TRHDE: variants seen among roughly 807,000 people sequenced by gnomAD.
The protein encoded by TRHDE is thyrotropin releasing hormone degrading enzyme, also known as thyrotropin-releasing hormone-degrading ectoenzyme.
TRHDE carries 72 observed loss-of-function variants against 125.7 expected under a neutral mutation model. That is an observed-to-expected ratio of 0.57 (90% confidence interval 0.47 to 0.70). The LOEUF (loss-of-function observed/expected upper bound fraction) is 0.70. Among genes scored for constraint, TRHDE ranks in the 30% least tolerant of loss-of-function variants. TRHDE has a pLI of 0.00. For synonymous variants in TRHDE, 509 were observed against 509.1 expected, an observed-to-expected ratio of 1.00 and a Z score of 0.00; for missense variants, 1,110 against 1,327.1, an observed-to-expected ratio of 0.84 and a Z score of 2.54.
intron 2 of TRHDE, among the ~76,000 whole-genome samples, chr12:72,224,131 T>TATCTA (rs1380754068): frequency 2.0e-5 from 1 of 49,532 alleles, no homozygotes; most frequent in African/African-American, 8.6e-5. Flanking sequence ...TCTATCTATC[T>TATCTA]ATCTATCTAT....
At chr12:72,520,478 C>A (rs892336187) in intron 6 of TRHDE, among the ~76,000 whole-genome samples, 1 of 152,184 alleles carries the variant, frequency 6.6e-6, no homozygotes, top group African/African-American at 2.4e-5. Flanking sequence ...CTGAGTGAGG[C>A]AATGCCTCGC....
intron 15 of TRHDE, among the ~76,000 whole-genome samples, chr12:72,645,176 A>G (rs1236723864): frequency 6.6e-6 from 1 of 152,210 alleles, no homozygotes. Flanking sequence ...GATTTACCTG[A>G]CAGATACTTC....
intron 2 of TRHDE, among the ~76,000 whole-genome samples, chr12:72,123,884 T>C (rs1342632683): frequency 1.3e-5 from 2 of 152,196 alleles, no homozygotes; most frequent in African/African-American, 4.8e-5. Context: ...GTGTATTTTC[T>C]GGTATTTTAT....
chr12:72,184,125 G>C (rs921006772), intron 2 of TRHDE, among the ~76,000 whole-genome samples: 3 of 152,164 alleles, frequency 2.0e-5, no homozygotes, highest in Non-Finnish European at 4.4e-5. Context: ...CGTTCATCAT[G>C]AATTTTTAGT....
At chr12:72,104,902 T>C (rs1479683439) in intron 1 of TRHDE, among the ~76,000 whole-genome samples, 2 of 152,180 alleles carry the variant, frequency 1.3e-5, no homozygotes, top group African/African-American at 2.4e-5. Flanking sequence ...ACATCTCTCA[T>C]CTTTGCCTCT....
chr12:72,144,968 G>A (rs1195331617), intron 2 of TRHDE, among the ~76,000 whole-genome samples: 4 of 152,120 alleles, frequency 2.6e-5, no homozygotes, highest in Non-Finnish European at 4.4e-5. Flanking sequence ...TGGAGGAGGG[G>A]AGTCCCAGAC....
Position 72,663,313 on chromosome 12 carries a change from G to A in TRHDE, c.*118G>A. The A allele has an allele frequency of 1.3e-6, 1 of 763,324 alleles. No individual in the cohort carries two copies. Among genetic ancestry groups the A allele is most frequent in the Non-Finnish European group, 1.9e-6 (1 of 538,482 alleles). The allele number at this position is 763,324 out of a possible 1,614,324, so 47.3% of individuals were successfully genotyped here. Reference sequence around the variant, plus strand: ...GCCAGATTTTCAGTGTTAACGTGTGGGAGGAATTTTTTTTTTAGTTTTTAT... The same window carrying A: ...GCCAGATTTTCAGTGTTAACGTGTGAGAGGAATTTTTTTTTTAGTTTTTAT... On this transcript the variant is annotated 3_prime_UTR_variant, in exon 19 of 19. Coordinates refer to ENST00000261180, the MANE Select transcript of TRHDE (RefSeq NM_013381.3).
chr12:72,392,889 A>G (rs1024815917), intron 3 of TRHDE, among the ~76,000 whole-genome samples: 2 of 152,122 alleles, frequency 1.3e-5, no homozygotes, highest in Admixed American at 6.5e-5. Flanking sequence ...AAGGGCATCC[A>G]TTTGCTTATA....
intron 2 of TRHDE, among the ~76,000 whole-genome samples, chr12:72,149,384 A>G (rs937240044): frequency 2.0e-5 from 3 of 152,200 alleles, no homozygotes; most frequent in Non-Finnish European, 4.4e-5. Context: ...AATACGAATT[A>G]GGAATAAGCC....
intron 5 of TRHDE, among the ~76,000 whole-genome samples, chr12:72,481,963 A>G (rs187159876): frequency 4.6e-5 from 7 of 152,116 alleles, no homozygotes; most frequent in Admixed American, 4.6e-4. Flanking sequence ...TTTATAGTTC[A>G]GTGAGGCCCT....
intron 5 of TRHDE, among the ~76,000 whole-genome samples, chr12:72,490,739 C>G (rs1026833368): frequency 2.9e-5 from 4 of 140,078 alleles, no homozygotes; most frequent in Middle Eastern, 3.6e-3. Flanking sequence ...CATGATTTCA[C>G]TAATATGTGG....
chr12:72,562,259 A>C, intron 8 of TRHDE, 29 bp downstream of exon 8: 8 of 1,234,120 alleles, frequency 6.5e-6, no homozygotes, highest in Non-Finnish European at 9.4e-6. Flanking sequence ...AAATATCAAA[A>C]CCTCTACTTG....
At chr12:72,252,490 C>T (rs547715046) in intron 2 of TRHDE, among the ~76,000 whole-genome samples, 10 of 152,042 alleles carry the variant, frequency 6.6e-5, no homozygotes, top group Non-Finnish European at 1.3e-4. Context: ...CTCTTCTGTT[C>T]CATTGATCTG....
At chr12:72,445,303 A>G (rs1875221906) in intron 3 of TRHDE, among the ~76,000 whole-genome samples, 2 of 151,882 alleles carry the variant, frequency 1.3e-5, no homozygotes, top group African/African-American at 4.8e-5. Context: ...CATGTCATGT[A>G]TAATACTACT....
At chr12:72,330,251 T>A (rs1370647255) in intron 2 of TRHDE, among the ~76,000 whole-genome samples, 2 of 151,774 alleles carry the variant, frequency 1.3e-5, no homozygotes, top group Non-Finnish European at 2.9e-5. Flanking sequence ...ACTGTTCTGC[T>A]GTTAAGGAAA....
At chr12:72,174,853 C>A (rs1876953605) in intron 2 of TRHDE, among the ~76,000 whole-genome samples, 1 of 152,166 alleles carries the variant, frequency 6.6e-6, no homozygotes, top group Non-Finnish European at 1.5e-5. Context: ...TGTAATATTA[C>A]TGTATTTCCT....
chr12:72,513,015 C>T (rs941175657), intron 6 of TRHDE, among the ~76,000 whole-genome samples: 1 of 152,146 alleles, frequency 6.6e-6, no homozygotes, highest in South Asian at 2.1e-4. Flanking sequence ...AGCATAACCA[C>T]ACACCAATTG....
chr12:72,349,623 C>G (rs1052877886), intron 2 of TRHDE, among the ~76,000 whole-genome samples: 5 of 151,930 alleles, frequency 3.3e-5, no homozygotes. Flanking sequence ...ACCCTACTGA[C>G]TTTACACTGA....
intron 6 of TRHDE, among the ~76,000 whole-genome samples, chr12:72,540,149 A>C (rs1869072361): frequency 6.6e-6 from 1 of 151,766 alleles, no homozygotes; most frequent in South Asian, 2.1e-4. Flanking sequence ...GAAGTTCTAT[A>C]AAATAAGGAT....
Sources: allele counts gnomAD v4.1 joint callset (sites outside exome capture counted in the v4.1 genomes callset), GRCh38; gene constraint gnomAD v4.1.1; transcripts MANE v1.5; gene names NCBI Gene and HGNC (gene_info 2026-07-23, HGNC 2026-07-21).